Variants in NTSR1 observed in about 807,000 individuals in gnomAD.
The protein encoded by NTSR1 is neurotensin receptor 1.
Under a neutral mutation model 31.2 loss-of-function variants are expected in NTSR1, and 29 were observed. The observed-to-expected ratio is 0.93, with a 90% CI of 0.69 to 1.27. The LOEUF is 1.27. Among genes scored for constraint, NTSR1 ranks in the 50% most tolerant of loss-of-function variants. NTSR1 has a pLI of 0.00. For synonymous variants in NTSR1, 282 were observed against 269.9 expected (o/e 1.04, Z -0.44); for missense variants, 697 against 595.4 (o/e 1.17, Z -1.78).
chr20:62,736,169 T>C (rs547972777), intron 1 of NTSR1, among the ~76,000 whole-genome samples: 5 of 152,316 alleles, frequency 3.3e-5, no homozygotes, highest in African/African-American at 9.6e-5. Flanking sequence ...GCCTGGAGCC[T>C]GGGGTGCCTC....
In NTSR1 at chr20:62,743,616, C is replaced by A. The variant is rs1286165090; in HGVS notation, c.715-11069C>A. 1.3e-5 allele frequency among the ~76,000 whole-genome samples: 2 copies of A among 151,944 alleles called. No homozygotes were observed. Among genetic ancestry groups the A allele is most frequent in the Non-Finnish European group, 1.5e-5 (1 of 67,930 alleles). ...GCCTCCCCTCCCACCCGCCCCGCAG[C>A]CTCTGCAGCCATCTTACAAAGCCTC... On this transcript the variant is annotated intron_variant, in intron 1 of 3. Coordinates refer to ENST00000370501, the MANE Select transcript of NTSR1 (RefSeq NM_002531.3). This position sits in a 1 kb window ranked among gnomAD's most constrained non-coding sequence, Gnocchi z 7.5.
At chr20:62,726,426 G>T (rs1435478067) in intron 1 of NTSR1, among the ~76,000 whole-genome samples, 1 of 152,182 alleles carries the variant, frequency 6.6e-6, no homozygotes, top group East Asian at 1.9e-4. Context: ...AGTGTGGGCT[G>T]CTTAGAAAGG....
At position 62,743,834 on chromosome 20, in the gene NTSR1, G is replaced by A. The variant is rs776542532; in HGVS notation, c.715-10851G>A. Among the ~76,000 whole-genome samples, 1 of 152,216 alleles carries A rather than the reference G, an allele frequency of 6.6e-6. No homozygotes were observed. Among genetic ancestry groups the A allele is most frequent in the African/African-American group, 2.4e-5 (1 of 41,448 alleles). On this transcript the variant is annotated intron_variant, in intron 1 of 3. Coordinates refer to ENST00000370501, the MANE Select transcript of NTSR1 (RefSeq NM_002531.3). The surrounding 1 kb of genome is among the most constrained non-coding windows in gnomAD (Gnocchi z 7.5). ...GTGAGAACGCCCTGCCTGAGGTCGA[G>A]GGGCTGAGGCCGGCTGTCTGGAGCC...
intron 1 of NTSR1, among the ~76,000 whole-genome samples, chr20:62,752,972 C>T (rs534348796): frequency 3.3e-5 from 5 of 152,284 alleles, no homozygotes; most frequent in East Asian, 1.9e-4. Flanking sequence ...GGGTCAGCAG[C>T]GGTGGTGGTG....
At chr20:62,725,010 C>T (rs893285551) in intron 1 of NTSR1, among the ~76,000 whole-genome samples, 1 of 152,258 alleles carries the variant, frequency 6.6e-6, no homozygotes, top group Admixed American at 6.5e-5. Context: ...TAAGGTCACA[C>T]AGGTTCCAAT....
Position 62,741,688 on chromosome 20 carries a change from T to C in NTSR1, c.715-12997T>C, listed in dbSNP as rs145617805. Among the ~76,000 whole-genome samples, 5 of 149,760 alleles carry C rather than the reference T, an allele frequency of 3.3e-5. No individual in the cohort carries two copies. Among genetic ancestry groups the C allele is most frequent in the African/African-American group, 9.9e-5 (4 of 40,230 alleles). ...TGCAGGGAACAGAGTGGAGGAGCCA[T>C]GGACAGAGGCTGTGGGGCAGGCTCA... On this transcript the variant is annotated intron_variant, in intron 1 of 3. Transcript: ENST00000370501. The surrounding 1 kb of genome is among the most constrained non-coding windows in gnomAD (Gnocchi z 4.3).
chr20:62,734,724 G>A (rs910006940), intron 1 of NTSR1, among the ~76,000 whole-genome samples: 10 of 147,774 alleles, frequency 6.8e-5, no homozygotes, highest in African/African-American at 2.6e-4. Context: ...ATCCGCACCG[G>A]GTTTTAGAGT....
intron 1 of NTSR1, among the ~76,000 whole-genome samples, chr20:62,728,620 C>A (rs981948349): frequency 3.3e-5 from 5 of 152,200 alleles, no homozygotes; most frequent in Non-Finnish European, 7.3e-5. Flanking sequence ...ACGGTGTCTG[C>A]GGAAGACGCT....
In NTSR1 at chr20:62,709,477, G is replaced by A. The variant is rs138921386; in HGVS notation, c.270G>A (p.Arg90=). The change falls in exon 1 of 4, where the codon CGG becomes CGA. Residue 90 remains arginine (R), a synonymous_variant. Transcript: ENST00000370501. The stretch of plus-strand genomic sequence containing the variant: ...CGGTGACGGCGTTCACGCTGGCGCG[G>A]AAGAAGTCGCTGCAGAGCCTGCAGA... The part of the protein sequence containing the change: ...GNTVTAFTLA[R]KKSLQSLQST... 6.2e-7 allele frequency: 1 copy of A among 1,612,536 alleles called. No homozygotes were observed. Among genetic ancestry groups the A allele is most frequent in the Non-Finnish European group, 8.5e-7 (1 of 1,179,856 alleles).
At chr20:62,713,493 C>T (rs371937050) in intron 1 of NTSR1, among the ~76,000 whole-genome samples, 1 of 152,216 alleles carries the variant, frequency 6.6e-6, no homozygotes, top group Non-Finnish European at 1.5e-5. Context: ...AGACAGGTTC[C>T]AGTGAAATCT....
rs749500837 is a variant in NTSR1, at chr20:62,754,852, G to A, written c.882G>A (p.Arg294=). ...STFSMAIEPG[R]VQALRHGVRV... is the part of the protein sequence containing the mutation. ...TCAGCATGGCCATCGAGCCTGGCAG[G>A]GTCCAGGCCCTGCGGCACGGCGTGC... is the stretch of plus-strand genomic sequence containing the variant. Residue 294 remains arginine (R), a synonymous_variant, in exon 2 of 4, where the codon AGG becomes AGA. Transcript: ENST00000370501. The A allele has an allele frequency of 6.2e-7, 1 of 1,606,274 alleles. No homozygotes were observed. The highest frequency in any genetic ancestry group is 8.5e-7 in the Non-Finnish European group (1 of 1,179,204).
intron 1 of NTSR1, among the ~76,000 whole-genome samples, chr20:62,748,120 A>G (rs1042174572): frequency 6.6e-6 from 1 of 151,128 alleles, no homozygotes; most frequent in Non-Finnish European, 1.5e-5. Flanking sequence ...GGTTGCAGTG[A>G]GCCAAAATTG....
At chr20:62,719,866 C>G (rs909660209) in intron 1 of NTSR1, among the ~76,000 whole-genome samples, 3 of 152,160 alleles carry the variant, frequency 2.0e-5, no homozygotes, top group Admixed American at 6.5e-5. Context: ...ATAACATGAG[C>G]TGGGAGGTTC....
intron 1 of NTSR1, among the ~76,000 whole-genome samples, chr20:62,750,298 C>T (rs1390790840): frequency 1.3e-5 from 2 of 151,992 alleles, no homozygotes; most frequent in South Asian, 4.1e-4. Flanking sequence ...GGGAGGGGAA[C>T]GAGGAATGGG....
chr20:62,722,478 G>A (rs914769230), intron 1 of NTSR1, among the ~76,000 whole-genome samples: 5 of 152,154 alleles, frequency 3.3e-5, no homozygotes, highest in African/African-American at 7.2e-5. Flanking sequence ...TTCTGTACAC[G>A]CTGGGCCAGC....
chr20:62,760,693 A>C lies in NTSR1; in HGVS notation c.*426A>C. 6.1e-6 allele frequency: 1 copy of C among 164,130 alleles called. No homozygotes were observed. Among genetic ancestry groups the C allele is most frequent in the Non-Finnish European group, 1.3e-5 (1 of 74,910 alleles). 10.2% of individuals were successfully genotyped at this position (164,130 alleles called of 1,614,324 possible). ...CCATGTCCACATCTCTGAGGCCTGC[A>C]CCCCCTCTGTCTAGCTCGGGGAGTC... On this transcript the variant is annotated 3_prime_UTR_variant, in exon 4 of 4. Transcript: ENST00000370501.
chr20:62,752,721 G>T (rs1332575285), intron 1 of NTSR1, among the ~76,000 whole-genome samples: 1 of 152,076 alleles, frequency 6.6e-6, no homozygotes, highest in Admixed American at 6.5e-5. Flanking sequence ...AACTATCCCC[G>T]GGCTGCGGTG....
chr20:62,743,805 C>T lies in NTSR1; in HGVS notation c.715-10880C>T, dbSNP rs753777026. On this transcript the variant is annotated intron_variant, in intron 1 of 3. Transcript: ENST00000370501. The surrounding 1 kb of genome is among the most constrained non-coding windows in gnomAD (Gnocchi z 7.5). ...AAAACAAGCAATTGCTCTCGAAGAG[C>T]GAGGTGAGAACGCCCTGCCTGAGGT... Among the ~76,000 whole-genome samples the T allele has an allele frequency of 9.2e-5, 14 of 152,206 alleles. No individual in the cohort carries two copies. The highest frequency in any genetic ancestry group is 2.9e-5 in the Non-Finnish European group (2 of 68,038).
chr20:62,733,068 T>C lies in NTSR1; in HGVS notation c.715-21617T>C, dbSNP rs58914327. 0.42 allele frequency: 62,980 copies of C among 151,408 alleles called. 14,277 individuals carry two copies. Among genetic ancestry groups the C allele is most frequent in the African/African-American group, 0.58 (23,736 of 41,208 alleles). The allele number at this position is 151,408 out of a possible 1,614,324, so 9.4% of individuals were successfully genotyped here. Reference sequence around the variant, plus strand: ...GTCACATCACCCGCAGGCGTGGCCCTGAGGCCACGTATCCAAGCAGCAGTG... The same window carrying C: ...GTCACATCACCCGCAGGCGTGGCCCCGAGGCCACGTATCCAAGCAGCAGTG... On this transcript the variant is annotated intron_variant, in intron 1 of 3. Coordinates refer to ENST00000370501, the MANE Select transcript of NTSR1 (RefSeq NM_002531.3). This position sits in a 1 kb window ranked among gnomAD's most constrained non-coding sequence, Gnocchi z 5.2.
Sources: allele counts gnomAD v4.1 joint callset (sites outside exome capture counted in the v4.1 genomes callset), GRCh38; gene constraint gnomAD v4.1.1; non-coding constraint Gnocchi (gnomAD v3.1); transcripts MANE v1.5; gene names NCBI Gene and HGNC (gene_info 2026-07-23, HGNC 2026-07-21).